Variants in ADAM15 observed in about 807,000 individuals in gnomAD.
ADAM15 encodes the protein ADAM metallopeptidase domain 15, also known as disintegrin and metalloproteinase domain-containing protein 15.
A neutral mutation model predicts 113.8 loss-of-function variants in ADAM15; 77 were observed. The ratio of observed to expected loss-of-function variants is 0.68; its 90% CI spans 0.56 to 0.82. The LOEUF is 0.82. ADAM15 is among the 40% of genes least tolerant of loss of function. ADAM15 has a pLI of 0.00. For synonymous variants in ADAM15, 388 were observed against 454.1 expected (o/e 0.85, Z 1.85); for missense variants, 963 against 1,120.1 (o/e 0.86, Z 2.00).
At chr1:155,055,428 G>A (rs551687581) in intron 6 of ADAM15, 179 of 272,450 alleles carry the variant, frequency 6.6e-4, no homozygotes, top group Non-Finnish European at 1.1e-3. Context: ...GGGTTTCACC[G>A]TGTTATCCAG....
rs1280339390 is a variant in ADAM15, at chr1:155,057,102, G to A, written c.1148+1G>A. On this transcript the variant is annotated splice_donor_variant, in intron 11 of 22. Coordinates refer to ENST00000356955, the MANE Select transcript of ADAM15 (RefSeq NM_207197.3). LOFTEE classifies it high-confidence loss of function. The surrounding 1 kb of genome is among the most constrained non-coding windows in gnomAD (Gnocchi z 5.0). The stretch of plus-strand genomic sequence containing the variant: ...CCTGCATCATGGAGGCCTCCACAGA[G>A]TAAGTAGCTGCAGGATGGAGAGAGG... The A allele has an allele frequency of 1.3e-6, 2 of 1,569,558 alleles. No homozygotes were observed. The highest frequency in any genetic ancestry group is 1.7e-6 in the Non-Finnish European group (2 of 1,155,912).
At chr1:155,055,001 C>T (rs529460801) in intron 6 of ADAM15, among the ~76,000 whole-genome samples, 2 of 152,142 alleles carry the variant, frequency 1.3e-5, no homozygotes, top group Non-Finnish European at 2.9e-5. Context: ...GTCTTATGAT[C>T]CCATTTGCAG....
intron 18 of ADAM15, 139 bp from the exon 19 acceptor site, chr1:155,060,624 C>A: frequency 1.0e-6 from 1 of 993,700 alleles, no homozygotes; most frequent in South Asian, 1.5e-5. Flanking sequence ...AATACTGCCC[C>A]CCACCCCGGC....
chr1:155,057,881 A>T lies in ADAM15; in HGVS notation c.1447A>T (p.Thr483Ser), dbSNP rs1466967795. The change falls in exon 14 of 23, where the codon ACC becomes TCC. Residue 483 changes from threonine (T) to serine (S), a missense_variant. Physicochemically the swap from Thr to Ser is moderately conservative, Grantham distance 58. Transcript: ENST00000356955. This position sits in a 1 kb window ranked among gnomAD's most constrained non-coding sequence, Gnocchi z 5.0. ...LRPSGWQCRP[T>S]RGDCDLPEFC... ...CCCGTCTGGCTGGCAGTGTCGTCCTACCAGAGGGGATTGTGACTTGCCTGA... is the reference window on the plus strand; with the variant it reads ...CCCGTCTGGCTGGCAGTGTCGTCCTTCCAGAGGGGATTGTGACTTGCCTGA... The T allele has an allele frequency of 6.2e-7, 1 of 1,613,128 alleles. No homozygotes were observed. Among genetic ancestry groups the T allele is most frequent in the South Asian group, 1.1e-5 (1 of 91,084 alleles).
At position 155,057,789 on chromosome 1, in the gene ADAM15, T is replaced by C; in HGVS notation, c.1416+60T>C. 1 of 1,613,234 alleles carries C rather than the reference T, an allele frequency of 6.2e-7. No individual in the cohort carries two copies. The highest frequency in any genetic ancestry group is 1.7e-5 in the Admixed American group (1 of 59,994). ...CCTGCCGGGGCCAAGGTGGAAAGGG[T>C]CATTCTGACCCCCGGCTGGATTTGC... On this transcript the variant is annotated intron_variant, in intron 13 of 22. Coordinates refer to ENST00000356955, the MANE Select transcript of ADAM15 (RefSeq NM_207197.3). The surrounding 1 kb of genome is among the most constrained non-coding windows in gnomAD (Gnocchi z 5.0).
chr1:155,061,293 G>T, intron 19 of ADAM15, 122 bp from the exon 20 acceptor site: 1 of 677,408 alleles, frequency 1.5e-6, no homozygotes. Context: ...ATAACTGCAT[G>T]CACAGCACCC....
Position 155,062,369 on chromosome 1 carries a change from G to T in ADAM15, c.2549G>T (p.Arg850Ile), listed in dbSNP as rs1262775686. 6.2e-7 allele frequency: 1 copy of T among 1,600,068 alleles called. No individual in the cohort carries two copies. The highest frequency in any genetic ancestry group is 8.5e-7 in the Non-Finnish European group (1 of 1,173,842). Residue 850 changes from arginine to isoleucine, a missense_variant and splice_region_variant, in exon 22 of 23, where the codon AGA (arginine) becomes ATA (isoleucine). By Grantham distance (97) the Arg-to-Ile change is moderately conservative. Transcript: ENST00000356955. This position sits in a 1 kb window ranked among gnomAD's most constrained non-coding sequence, Gnocchi z 7.0. Reference sequence around the variant, plus strand: ...ATCCCGCCCCTAGTGGTACCCTCCAGGTAGGAGGAGCCCTGGGCATGGGTG... The same window carrying T: ...ATCCCGCCCCTAGTGGTACCCTCCATGTAGGAGGAGCCCTGGGCATGGGTG... ...AGIPPLVVPS[R>I]PAPPPPTVSS...
Position 155,052,682 on chromosome 1 carries a change from G to A in ADAM15, c.91G>A (p.Glu31Lys), listed in dbSNP as rs763417047. Residue 31 changes from glutamate (E) to lysine (K), a missense_variant, in exon 2 of 23, where the codon GAG (glutamate) becomes AAG (lysine). Glu to Lys is a moderately conservative substitution (Grantham distance 56). Transcript: ENST00000356955. ...CCTGGGACCTGCAGGTGGCACTGAG[G>A]AGCAGCAGGCAGAGTCAGAGAAGGC... ...WPLPNIGGTE[E>K]QQAESEKAPR... The A allele has an allele frequency of 6.2e-7, 1 of 1,607,794 alleles. No individual in the cohort carries two copies. The highest frequency in any genetic ancestry group is 8.5e-7 in the Non-Finnish European group (1 of 1,177,874).
In ADAM15 at chr1:155,062,224, C is replaced by T; in HGVS notation, c.2425-21C>T. 3 of 1,448,116 alleles carry T rather than the reference C, an allele frequency of 2.1e-6. No homozygotes were observed. The highest frequency in any genetic ancestry group is 2.6e-4 in the Middle Eastern group (1 of 3,874). The allele number at this position is 1,448,116 out of a possible 1,614,324, so 89.7% of individuals were successfully genotyped here. The stretch of plus-strand genomic sequence containing the variant: ...ATGACACCCCCCCACCTAAGCCGGC[C>T]TCCTGCCTTCTCTCCCTCAGTCTCA... On this transcript the variant is annotated intron_variant, in intron 21 of 22. Coordinates refer to ENST00000356955, the MANE Select transcript of ADAM15 (RefSeq NM_207197.3). The surrounding 1 kb of genome is among the most constrained non-coding windows in gnomAD (Gnocchi z 7.0).
intron 2 of ADAM15, 33 bp from the exon 3 acceptor site, chr1:155,053,384 C>G (rs781295859): frequency 2.2e-5 from 36 of 1,607,586 alleles, no homozygotes; most frequent in Non-Finnish European, 2.9e-5. Context: ...GTGGACAGGT[C>G]TAGGGAGGTG....
At chr1:155,052,446 C>T (rs1661174788) in intron 1 of ADAM15, 1 of 1,494,534 alleles carries the variant, frequency 6.7e-7, no homozygotes. Flanking sequence ...AGCCGAAAGT[C>T]TTTCTTGGGG....
chr1:155,057,664 T>G lies in ADAM15; in HGVS notation c.1351T>G (p.Leu451Val), dbSNP rs770353125. Reference sequence around the variant, plus strand: ...CTGCGTCGATCCCTGCTGTGATTCTTTGACCTGCCAGCTGAGGCCAGGTGC... The same window carrying G: ...CTGCGTCGATCCCTGCTGTGATTCTGTGACCTGCCAGCTGAGGCCAGGTGC... Reference protein sequence around the residue: ...DDCVDPCCDSLTCQLRPGAQC... With the variant: ...DDCVDPCCDSVTCQLRPGAQC... The change falls in exon 13 of 23, where the codon TTG (leucine) becomes GTG (valine). Residue 451 changes from leucine to valine, a missense_variant. By Grantham distance (32) the Leu-to-Val change is conservative (BLOSUM62 1). Coordinates refer to ENST00000356955, the MANE Select transcript of ADAM15 (RefSeq NM_207197.3). The surrounding 1 kb of genome is among the most constrained non-coding windows in gnomAD (Gnocchi z 5.0). The G allele has an allele frequency of 2.5e-6, 4 of 1,614,066 alleles. No individual in the cohort carries two copies. Among genetic ancestry groups the G allele is most frequent in the African/African-American group, 2.7e-5 (2 of 74,928 alleles).
chr1:155,061,745 ACAT>A (rs1558134714), intron 20 of ADAM15, 156 bp from the exon 21 acceptor site: 1 of 894,426 alleles, frequency 1.1e-6, no homozygotes. Context: ...CTCCCCTGAG[ACAT>A]CAGCTGGCAT....
chr1:155,061,829 C>T, intron 20 of ADAM15, 75 bp from the exon 21 acceptor site: 1 of 1,422,606 alleles, frequency 7.0e-7, no homozygotes, highest in Non-Finnish European at 9.4e-7. Flanking sequence ...TGACTTGAAC[C>T]CCTCTGGGGA....
intron 17 of ADAM15, 86 bp downstream of exon 17, chr1:155,060,060 C>T: frequency 1.3e-6 from 2 of 1,578,802 alleles, no homozygotes; most frequent in Non-Finnish European, 8.7e-7. Context: ...TCTTTCTGAC[C>T]CCCCTTTGCT....
intron 1 of ADAM15, chr1:155,052,358 A>G: frequency 1.3e-6 from 1 of 745,394 alleles, no homozygotes. Flanking sequence ...AGTGATTGGG[A>G]GGGAGTGGGA....
rs1660990433 is a variant in ADAM15, at chr1:155,051,421, T to G, written c.35T>G (p.Leu12Arg). 1 of 1,565,018 alleles carries G rather than the reference T, an allele frequency of 6.4e-7. No homozygotes were observed. Among genetic ancestry groups the G allele is most frequent in the Non-Finnish European group, 8.6e-7 (1 of 1,160,904 alleles). ...RLALLWALGL[L>R]GAGSPLPSWP... ...GCGCTGCTCTGGGCCCTGGGGCTCC[T>G]GGGCGCGGGCAGCCCTCTGCCTTCC... Residue 12 changes from leucine to arginine, a missense_variant, in exon 1 of 23, where the codon CTG becomes CGG. Leu to Arg is a moderately radical substitution (Grantham distance 102). Transcript: ENST00000356955.
At chr1:155,051,618 C>T (rs1215817090) in intron 1 of ADAM15, 153 bp downstream of exon 1, 6 of 653,982 alleles carry the variant, frequency 9.2e-6, no homozygotes, top group Non-Finnish European at 1.4e-5. Flanking sequence ...GCCTAGGGCC[C>T]GGTGACTTGG....
In ADAM15 at chr1:155,061,630, C is replaced by T. The variant is rs1662625498; in HGVS notation, c.2352+141C>T. ...CCCTCAGCCTTCAGACACTCTGAGC[C>T]CCAGAAGCAGCAAAGGGTGAGCCTC... On this transcript the variant is annotated intron_variant, in intron 20 of 22. Coordinates refer to ENST00000356955, the MANE Select transcript of ADAM15 (RefSeq NM_207197.3). The T allele has an allele frequency of 3.1e-6, 3 of 972,770 alleles. 1 individual carries two copies. The highest frequency in any genetic ancestry group is 4.5e-6 in the Non-Finnish European group (3 of 665,318). The allele number at this position is 972,770 out of a possible 1,614,324, so 60.3% of individuals were successfully genotyped here. A position where few individuals can be genotyped will look rare whatever the true frequency, so the allele number is the denominator to read the frequency against.
Sources: gnomAD v4.1 joint callset for allele counts (sites outside exome capture counted in the v4.1 genomes callset) on GRCh38, gnomAD v4.1.1 for gene constraint, Gnocchi (gnomAD v3.1) non-coding constraint, MANE v1.5 for transcripts, NCBI Gene and HGNC (gene_info 2026-07-23, HGNC 2026-07-21) for gene names.